Variants in COL5A2 observed in about 807,000 individuals in gnomAD.
The protein encoded by COL5A2 is collagen type V alpha 2 chain, also known as collagen alpha-2(V) chain.
COL5A2 carries 23 observed loss-of-function variants against 208.2 expected under a neutral mutation model. The observed-to-expected ratio is 0.11, with a 90% CI of 0.08 to 0.16. The LOEUF (loss-of-function observed/expected upper bound fraction) is 0.16. Among genes scored for constraint, COL5A2 ranks in the 10% least tolerant of loss-of-function variants. COL5A2 has a pLI of 1.00. For synonymous variants in COL5A2, 625 were observed against 628.5 expected (o/e 0.99, Z 0.08); for missense variants, 1,590 against 1,956.4 (o/e 0.81, Z 3.53).
At chr2:189,181,714 T>C (rs562175652), upstream of COL5A2, among the ~76,000 whole-genome samples, 71 of 152,358 alleles carry the variant, frequency 4.7e-4, no homozygotes, top group African/African-American at 1.7e-3. Flanking sequence ...TTAGGCAAGA[T>C]TGCAGGACTT....
chr2:189,097,283 T>C lies in COL5A2; in HGVS notation c.450A>G (p.Gly150=). Residue 150 remains glycine, a synonymous_variant, in exon 6 of 54, where the codon GGA becomes GGG. Coordinates refer to ENST00000374866, the MANE Select transcript of COL5A2 (RefSeq NM_000393.5). ...QGPRGERGPK[G]RPGPRGPQGI... ...AGCCCTCCTGTCAACTTACAGGTCT[T>C]CCTTTTGGCCCTCGCTCTCCTCTTG... 6.2e-7 allele frequency: 1 copy of C among 1,614,156 alleles called. No homozygotes were observed. Among genetic ancestry groups the C allele is most frequent in the Non-Finnish European group, 8.5e-7 (1 of 1,180,014 alleles).
At chr2:189,417,035 A>G in the COL5A2 span, among the ~76,000 whole-genome samples, 1 of 152,162 alleles carries the variant, frequency 6.6e-6, no homozygotes, top group Non-Finnish European at 1.5e-5. Flanking sequence ...TTATTTGTAT[A>G]AAGTTAAAAA....
chr2:189,156,459 A>C (rs948737009), intron 1 of COL5A2, among the ~76,000 whole-genome samples: 1 of 152,186 alleles, frequency 6.6e-6, no homozygotes, highest in Admixed American at 6.5e-5. Context: ...TTTTTAATAT[A>C]TTACTTTTTC....
intron 6 of COL5A2, among the ~76,000 whole-genome samples, chr2:189,093,505 G>GTATATGA (rs1686833167): frequency 2.0e-5 from 3 of 152,214 alleles, no homozygotes; most frequent in Admixed American, 2.0e-4. Context: ...GTGGCAGTTT[G>GTATATGA]TATATGATGG....
chr2:189,416,619 A>G, the COL5A2 span, among the ~76,000 whole-genome samples: 1 of 152,188 alleles, frequency 6.6e-6, no homozygotes, highest in African/African-American at 2.4e-5. Flanking sequence ...CTAAATGACG[A>G]GTTAATGGGT....
chr2:189,426,604 G>A, the COL5A2 span, among the ~76,000 whole-genome samples: 8 of 152,330 alleles, frequency 5.3e-5, no homozygotes, highest in Admixed American at 2.0e-4. Context: ...CTGAGGCTGC[G>A]TCATGAGCAT....
the COL5A2 span, among the ~76,000 whole-genome samples, chr2:189,242,501 T>C: frequency 6.6e-6 from 1 of 152,100 alleles, no homozygotes; most frequent in Non-Finnish European, 1.5e-5. Context: ...CACATGACCT[T>C]CTGGTTCCTG....
chr2:189,410,823 T>A, the COL5A2 span, among the ~76,000 whole-genome samples: 1 of 152,178 alleles, frequency 6.6e-6, no homozygotes, highest in Non-Finnish European at 1.5e-5. Context: ...GGTAACTCAG[T>A]AACATTAAGA....
At chr2:189,192,775 A>G (rs953743094) in intron 1 of COL5A2, among the ~76,000 whole-genome samples, 1 of 152,238 alleles carries the variant, frequency 6.6e-6, no homozygotes, top group Non-Finnish European at 1.5e-5. Context: ...TTGAAATTTA[A>G]TTGCCATTGT....
the COL5A2 span, among the ~76,000 whole-genome samples, chr2:189,421,631 T>G: frequency 6.6e-6 from 1 of 152,036 alleles, no homozygotes; most frequent in East Asian, 1.9e-4. Context: ...CCACAGCCCC[T>G]GACTCCAGGC....
intron 2 of COL5A2, among the ~76,000 whole-genome samples, chr2:189,105,799 A>G (rs1002188535): frequency 7.9e-5 from 12 of 151,504 alleles, no homozygotes; most frequent in Admixed American, 6.6e-5. Context: ...TCTCATTTAA[A>G]TCACTGCTTT....
the COL5A2 span, among the ~76,000 whole-genome samples, chr2:189,384,335 T>C: frequency 2.0e-5 from 3 of 152,112 alleles, no homozygotes; most frequent in Non-Finnish European, 2.9e-5. Context: ...CTCCATACTA[T>C]TTTCTGTAAT....
the COL5A2 span, among the ~76,000 whole-genome samples, chr2:189,394,631 C>A: frequency 2.6e-5 from 4 of 152,162 alleles, no homozygotes; most frequent in Non-Finnish European, 5.9e-5. Context: ...GTTTAGCTAT[C>A]CAGTCTGTTA....
At chr2:189,131,902 T>C (rs1373501278) in intron 1 of COL5A2, among the ~76,000 whole-genome samples, 1 of 152,244 alleles carries the variant, frequency 6.6e-6, no homozygotes, top group Non-Finnish European at 1.5e-5. Flanking sequence ...AATTATGTAT[T>C]TCTCATAAGA....
chr2:189,394,285 AG>A, the COL5A2 span, among the ~76,000 whole-genome samples: 1 of 152,178 alleles, frequency 6.6e-6, no homozygotes, highest in Admixed American at 6.5e-5. Flanking sequence ...CTTCATACAA[AG>A]CCTTTTTTAA....
At chr2:189,393,550 T>C in the COL5A2 span, among the ~76,000 whole-genome samples, 3 of 152,158 alleles carry the variant, frequency 2.0e-5, no homozygotes, top group African/African-American at 7.2e-5. Flanking sequence ...AGTATCTGTA[T>C]AACATCTGAT....
the COL5A2 span, among the ~76,000 whole-genome samples, chr2:189,423,164 CACA>C: frequency 1.3e-5 from 2 of 150,416 alleles, no homozygotes; most frequent in Non-Finnish European, 3.0e-5. Flanking sequence ...GAAATGAAAA[CACA>C]ATATCAAAAG....
At chr2:189,290,674 T>G in the COL5A2 span, among the ~76,000 whole-genome samples, 5 of 146,522 alleles carry the variant, frequency 3.4e-5, no homozygotes, top group Non-Finnish European at 6.0e-5. Flanking sequence ...GAGGATTTAC[T>G]GAAGGGAGAA....
At chr2:189,207,674 G>C (rs1247943927) in intron 1 of COL5A2, among the ~76,000 whole-genome samples, 1 of 152,150 alleles carries the variant, frequency 6.6e-6, no homozygotes, top group Non-Finnish European at 1.5e-5. Context: ...CATGTTAGCT[G>C]TCTCCATTTT....
Sources: gnomAD v4.1 joint callset for allele counts (sites outside exome capture counted in the v4.1 genomes callset) on GRCh38, gnomAD v4.1.1 for gene constraint, MANE v1.5 for transcripts, NCBI Gene and HGNC (gene_info 2026-07-23, HGNC 2026-07-21) for gene names.